The following CDH23 variants were observed in gnomAD, a reference collection of about 807,000 sequenced individuals.
CDH23 encodes the protein cadherin related 23.
A neutral mutation model predicts 317.1 loss-of-function variants in CDH23; 189 were observed. The observed-to-expected ratio is 0.60, with a 90% CI of 0.53 to 0.67. The LOEUF is 0.67. Ranked by LOEUF, CDH23 falls within the 30% of genes least tolerant of loss-of-function variation. CDH23 has a pLI of 0.00. For missense variants in CDH23, 4,401 were observed against 4,592.4 expected, an observed-to-expected ratio of 0.96 and a Z score of 1.20; for synonymous variants, 1,839 against 1,876.8, an observed-to-expected ratio of 0.98 and a Z score of 0.52.
At chr10:71,589,487 T>C (rs1471109841) in intron 9 of CDH23, among the ~76,000 whole-genome samples, 3 of 152,146 alleles carry the variant, frequency 2.0e-5, no homozygotes, top group African/African-American at 7.2e-5. Flanking sequence ...AGCCAAAATA[T>C]CAGCTTACTT....
intron 1 of CDH23, among the ~76,000 whole-genome samples, chr10:71,438,660 A>C (rs1177516777): frequency 6.6e-6 from 1 of 152,154 alleles, no homozygotes; most frequent in Non-Finnish European, 1.5e-5. Flanking sequence ...CTCTCCAAAA[A>C]TCCTTTCCTC....
chr10:71,470,017 TA>T (rs145711849), intron 3 of CDH23, among the ~76,000 whole-genome samples: 1 of 152,024 alleles, frequency 6.6e-6, no homozygotes, highest in Non-Finnish European at 1.5e-5. Flanking sequence ...TTTTTAAAAA[TA>T]AAAAAAAATT....
chr10:71,706,919 G>T lies in CDH23; in HGVS notation c.2976G>T (p.Thr992=), dbSNP rs553405751. Residue 992 remains threonine (T), a synonymous_variant, in exon 26 of 70, where the codon ACG becomes ACT. Coordinates refer to ENST00000224721, the MANE Select transcript of CDH23 (RefSeq NM_022124.6). ...TIHVLDVNDE[T]PTFFPAVYNV... ...CAGTGCTGGATGTGAACGACGAGAC[G>T]CCCACCTTCTTCCCGGCCGTGTACA... 31 of 1,604,042 alleles carry T rather than the reference G, an allele frequency of 1.9e-5. No homozygotes were observed. In the South Asian group the frequency reaches 3.0e-4, roughly 16 times the overall value.
rs144673090 is a variant in CDH23 at position 71,673,707 on chromosome 10, G to A, written c.1450-1405G>A. Among the ~76,000 whole-genome samples, 750 of 152,294 alleles carry A rather than the reference G, an allele frequency of 4.9e-3. 27 individuals carry two copies. Among genetic ancestry groups the A allele is most frequent in the Middle Eastern group, 0.014 (4 of 294 alleles). On this transcript the variant is annotated intron_variant, in intron 14 of 69. Coordinates refer to ENST00000224721, the MANE Select transcript of CDH23 (RefSeq NM_022124.6). Reference sequence around the variant, plus strand: ...CCTTGAGTGAACGATGTACTGTCTCGATGCCTCAGTTTCCCCATCTGTAAA... The same window carrying A: ...CCTTGAGTGAACGATGTACTGTCTCAATGCCTCAGTTTCCCCATCTGTAAA...
chr10:71,810,875 G>A (rs1275303644), intron 62 of CDH23, among the ~76,000 whole-genome samples: 1 of 152,144 alleles, frequency 6.6e-6, no homozygotes, highest in Non-Finnish European at 1.5e-5. Flanking sequence ...GAGGTCAGGA[G>A]CTCAAGACCA....
intron 61 of CDH23, 117 bp downstream of exon 61, chr10:71,810,193 CTACT>C (rs1841875480): frequency 1.6e-6 from 2 of 1,245,970 alleles, no homozygotes; most frequent in African/African-American, 1.5e-5. Flanking sequence ...AGTATAGTCC[CTACT>C]TAGTCATTTC....
intron 25 of CDH23, among the ~76,000 whole-genome samples, chr10:71,705,779 A>G (rs1297270856): frequency 6.6e-6 from 1 of 152,140 alleles, no homozygotes; most frequent in Non-Finnish European, 1.5e-5. Context: ...GAATAACCCC[A>G]GGGAAATAAG....
chr10:71,812,473 A>G lies in CDH23; in HGVS notation c.9381-7A>G, dbSNP rs1367212245. 8 of 1,400,414 alleles carry G rather than the reference A, an allele frequency of 5.7e-6. No homozygotes were observed. The highest frequency in any genetic ancestry group is 4.4e-5 in the African/African-American group (3 of 67,902). 86.7% of individuals were successfully genotyped at this position (1,400,414 alleles called of 1,614,324 possible). ...CCCTCCCCACCCTTTTCCCTCCCCA[A>G]CTGCAGAGCCAACCCTGTGTGGCTG... is the stretch of plus-strand genomic sequence containing the variant. On this transcript the variant is annotated splice_region_variant and splice_polypyrimidine_tract_variant and intron_variant, in intron 66 of 69. Transcript: ENST00000224721.
At chr10:71,812,189 G>A in intron 66 of CDH23, 174 bp downstream of exon 66, 3 of 1,582,816 alleles carry the variant, frequency 1.9e-6, no homozygotes, top group South Asian at 1.1e-5. Flanking sequence ...CCACGTGGCT[G>A]ACAGGGGCTC....
At chr10:71,415,330 A>G (rs1190087377) in intron 1 of CDH23, among the ~76,000 whole-genome samples, 1 of 152,192 alleles carries the variant, frequency 6.6e-6, no homozygotes, top group Non-Finnish European at 1.5e-5. Flanking sequence ...TCCTGGGCTC[A>G]AATGATCCTC....
chr10:71,720,868 TGGG>T (rs1002262707), intron 28 of CDH23, among the ~76,000 whole-genome samples: 4 of 152,090 alleles, frequency 2.6e-5, no homozygotes, highest in African/African-American at 9.7e-5. Context: ...AAGTGAGTGG[TGGG>T]GGACTTGGTG....
At chr10:71,672,518 T>C (rs1240745478) in intron 14 of CDH23, among the ~76,000 whole-genome samples, 1 of 152,096 alleles carries the variant, frequency 6.6e-6, no homozygotes, top group Non-Finnish European at 1.5e-5. Context: ...CAGGCATACA[T>C]ATTTCACATG....
chr10:71,539,496 G>T (rs11594082), intron 6 of CDH23, among the ~76,000 whole-genome samples: 15,610 of 151,638 alleles, frequency 0.1, 895 homozygotes, highest in African/African-American at 0.12. Flanking sequence ...GGCTTTGTTT[G>T]TTAGACGCAT....
intron 10 of CDH23, among the ~76,000 whole-genome samples, chr10:71,615,873 T>C (rs1208659717): frequency 6.6e-6 from 1 of 152,184 alleles, no homozygotes; most frequent in Non-Finnish European, 1.5e-5. Flanking sequence ...TTTTATCCCC[T>C]CTCAGCGGGA....
chr10:71,566,899 A>G lies in CDH23; in HGVS notation c.587A>G (p.Glu196Gly). 6.2e-7 allele frequency: 1 copy of G among 1,613,664 alleles called. No individual in the cohort carries two copies. Among genetic ancestry groups the G allele is most frequent in the South Asian group, 1.1e-5 (1 of 91,062 alleles). ...IVTVIRELDY[E>G]TTQAYQLTVN... ...ACAGTGATCCGGGAGCTGGACTACGAGACCACACAGGCCTACCAGCTCACG... is the reference window on the plus strand; with the variant it reads ...ACAGTGATCCGGGAGCTGGACTACGGGACCACACAGGCCTACCAGCTCACG... The change falls in exon 7 of 70, where the codon GAG (glutamate) becomes GGG (glycine). Residue 196 changes from glutamate (E) to glycine (G), a missense_variant. Glu to Gly is a moderately conservative substitution (Grantham distance 98, BLOSUM62 -2). Around this residue, in one of 3 missense-constraint regions of CDH23, gnomAD observed 3,068 missense variants for 3,203.3 expected, o/e 0.96. Transcript: ENST00000224721.
At chr10:71,564,636 G>T (rs929925971) in intron 6 of CDH23, among the ~76,000 whole-genome samples, 4 of 152,244 alleles carry the variant, frequency 2.6e-5, no homozygotes, top group African/African-American at 9.6e-5. Context: ...GCCTCCCCGA[G>T]GCAGGGAGCT....
At chr10:71,612,796 C>A (rs1860979666) in intron 9 of CDH23, among the ~76,000 whole-genome samples, 1 of 152,220 alleles carries the variant, frequency 6.6e-6, no homozygotes, top group African/African-American at 2.4e-5. Context: ...CTCTGCTTCA[C>A]CCAGCCTCAG....
At chr10:71,786,329 G>A (rs1841103715) in intron 44 of CDH23, among the ~76,000 whole-genome samples, 1 of 152,142 alleles carries the variant, frequency 6.6e-6, no homozygotes. Context: ...TTCAGGCCCA[G>A]TTCATCTCAG....
At chr10:71,578,249 G>T (rs931564700) in intron 9 of CDH23, among the ~76,000 whole-genome samples, 11 of 152,188 alleles carry the variant, frequency 7.2e-5, no homozygotes, top group Admixed American at 3.3e-4. Flanking sequence ...GGCACTGGGG[G>T]GTGGGCGCGT....
Sources: allele counts gnomAD v4.1 joint callset (sites outside exome capture counted in the v4.1 genomes callset), GRCh38; gene constraint gnomAD v4.1.1; regional missense constraint gnomAD v4.1.1; transcripts MANE v1.5; gene names NCBI Gene and HGNC (gene_info 2026-07-23, HGNC 2026-07-21).